NBEA: variants seen among roughly 807,000 people sequenced by gnomAD.
NBEA encodes the protein lysosomal-trafficking regulator 2.
NBEA carries 44 observed loss-of-function variants against 343.4 expected under a neutral mutation model. That is an observed-to-expected ratio of 0.13 (90% CI 0.10 to 0.16). NBEA has a LOEUF of 0.16. Among genes scored for constraint, NBEA ranks in the 10% least tolerant of loss-of-function variants. The pLI, the probability that NBEA is intolerant of heterozygous loss-of-function variation, is 1.00. For missense variants in NBEA, 2,555 were observed against 3,631.3 expected (o/e 0.70, Z 7.62); for synonymous variants, 1,175 against 1,238.7 (o/e 0.95, Z 1.08).
At chr13:35,298,594 T>C (rs1217975762) in intron 35 of NBEA, among the ~76,000 whole-genome samples, 2 of 151,978 alleles carry the variant, frequency 1.3e-5, no homozygotes, top group African/African-American at 4.8e-5. Context: ...TATGCTCTCT[T>C]TAAAAATATC....
intron 31 of NBEA, among the ~76,000 whole-genome samples, chr13:35,196,649 C>A (rs2072626014): frequency 6.6e-6 from 1 of 152,038 alleles, no homozygotes; most frequent in Non-Finnish European, 1.5e-5. Context: ...TGGGTCACAT[C>A]TGTCCAAGGT....
chr13:35,450,796 A>G (rs2152944533), intron 39 of NBEA, among the ~76,000 whole-genome samples: 1 of 152,326 alleles, frequency 6.6e-6, no homozygotes, highest in Non-Finnish European at 1.5e-5. Context: ...TACAGAACAC[A>G]GTATATGACA....
intron 1 of NBEA, among the ~76,000 whole-genome samples, chr13:35,030,197 G>A (rs1186805505): frequency 2.6e-5 from 4 of 151,388 alleles, no homozygotes; most frequent in Non-Finnish European, 5.9e-5. Context: ...GTTTTCTTAC[G>A]TGTTTTTAAA....
intron 1 of NBEA, among the ~76,000 whole-genome samples, chr13:34,945,882 A>G (rs905334082): frequency 2.6e-5 from 4 of 152,156 alleles, no homozygotes; most frequent in South Asian, 2.1e-4. Flanking sequence ...CATGCACTAA[A>G]GTGTAGGACT....
intron 39 of NBEA, among the ~76,000 whole-genome samples, chr13:35,440,147 T>TG (rs962633642): frequency 1.3e-5 from 2 of 152,236 alleles, no homozygotes; most frequent in African/African-American, 4.8e-5. Context: ...CCCAAAGTGC[T>TG]GGGGTTACAG....
At chr13:35,535,358 A>G (rs1422612968) in intron 41 of NBEA, among the ~76,000 whole-genome samples, 1 of 152,216 alleles carries the variant, frequency 6.6e-6, no homozygotes, top group African/African-American at 2.4e-5. Flanking sequence ...TGCAGAAGAC[A>G]GAACACGCAA....
chr13:35,109,404 T>G lies in NBEA; in HGVS notation c.1795T>G (p.Leu599Val). ...PLLKQLCDHI[L>V]FNPAIWIHTP... ...GCTGAAGCAGCTTTGTGATCACATT[T>G]TATTTAACCCAGCCATCTGGATACA... Residue 599 changes from leucine to valine, a missense_variant, in exon 12 of 59, where the codon TTA becomes GTA. Coordinates refer to ENST00000379939, the MANE Select transcript of NBEA (RefSeq NM_001385012.1). The G allele has an allele frequency of 6.2e-7, 1 of 1,611,832 alleles. No individual in the cohort carries two copies. Among genetic ancestry groups the G allele is most frequent in the South Asian group, 1.1e-5 (1 of 90,860 alleles).
chr13:35,403,861 C>G (rs1419637439), intron 38 of NBEA, among the ~76,000 whole-genome samples: 1 of 152,138 alleles, frequency 6.6e-6, no homozygotes, highest in Non-Finnish European at 1.5e-5. Flanking sequence ...ACTCATCTGA[C>G]AAAGGGCTAA....
chr13:35,148,473 C>T (rs2068574623), intron 18 of NBEA, among the ~76,000 whole-genome samples: 2 of 152,130 alleles, frequency 1.3e-5, no homozygotes, highest in Non-Finnish European at 2.9e-5. Context: ...TAACTCCCCT[C>T]TGTTGTTCTT....
intron 1 of NBEA, among the ~76,000 whole-genome samples, chr13:35,023,518 A>G (rs1050206730): frequency 3.3e-5 from 5 of 152,182 alleles, no homozygotes; most frequent in South Asian, 2.1e-4. Context: ...AGAGGAGGGT[A>G]GTATTAATTT....
At chr13:35,036,263 A>G (rs1294547572) in intron 1 of NBEA, among the ~76,000 whole-genome samples, 3 of 152,102 alleles carry the variant, frequency 2.0e-5, no homozygotes, top group Admixed American at 6.6e-5. Context: ...AAGCAAACAA[A>G]CAAGCAAAAA....
At position 35,155,828 on chromosome 13, in the gene NBEA, G is replaced by A; in HGVS notation, c.2500G>A (p.Asp834Asn). 1.2e-6 allele frequency: 2 copies of A among 1,612,508 alleles called. No individual in the cohort carries two copies. Among genetic ancestry groups the A allele is most frequent in the Non-Finnish European group, 1.7e-6 (2 of 1,178,646 alleles). Residue 834 changes from aspartate (D) to asparagine (N), a missense_variant, in exon 19 of 59, where the codon GAT (aspartate) becomes AAT (asparagine). By Grantham distance (23) the Asp-to-Asn change is conservative (BLOSUM62 1). Around this residue, in one of 21 missense-constraint regions of NBEA, gnomAD observed 360 missense variants for 519.1 expected, o/e 0.69. Coordinates refer to ENST00000379939, the MANE Select transcript of NBEA (RefSeq NM_001385012.1). The stretch of plus-strand genomic sequence containing the variant: ...CGTACACAAACCACATCCAGAGCCA[G>A]ATTCTACAGTGAAAATTCAGAATCC... ...QVVHKPHPEPDSTVKIQNPMI... is the reference protein window; with the variant it reads ...QVVHKPHPEPNSTVKIQNPMI...
chr13:35,205,575 A>G (rs932586813), intron 31 of NBEA, among the ~76,000 whole-genome samples: 1 of 152,104 alleles, frequency 6.6e-6, no homozygotes, highest in South Asian at 2.1e-4. Flanking sequence ...TCTCTTAGGG[A>G]CATGATTCTG....
In NBEA at chr13:35,671,746, TG is replaced by T. The variant is rs1419254972; in HGVS notation, c.*758del. ...GATACTAAGCCATTATTTGCCATTTTGGGTACTTTATACAAAGAAAATTCAG... is the reference window on the plus strand; with the variant it reads ...GATACTAAGCCATTATTTGCCATTTTGGTACTTTATACAAAGAAAATTCAG... On this transcript the variant is annotated 3_prime_UTR_variant, in exon 59 of 59. Transcript: ENST00000379939. 6.5e-6 allele frequency: 1 copy of T among 152,680 alleles called. No homozygotes were observed. The highest frequency in any genetic ancestry group is 1.5e-5 in the Non-Finnish European group (1 of 68,026). The allele number at this position is 152,680 out of a possible 1,614,324, so 9.5% of individuals were successfully genotyped here. A position where few individuals can be genotyped will look rare whatever the true frequency, so the allele number is the denominator to read the frequency against.
intron 54 of NBEA, 40 bp downstream of exon 54, chr13:35,655,050 A>C (rs1376954369): frequency 7.1e-7 from 1 of 1,402,966 alleles, no homozygotes; most frequent in Non-Finnish European, 9.3e-7. Context: ...CTTCAAAATG[A>C]CTATTGTTAA....
intron 40 of NBEA, among the ~76,000 whole-genome samples, chr13:35,459,248 G>T (rs1282832203): frequency 6.6e-6 from 1 of 151,898 alleles, no homozygotes; most frequent in Non-Finnish European, 1.5e-5. Flanking sequence ...CTTGTAAACT[G>T]GTTAGGTTGT....
intron 34 of NBEA, among the ~76,000 whole-genome samples, chr13:35,282,968 A>G (rs1234305966): frequency 2.0e-5 from 3 of 152,152 alleles, no homozygotes; most frequent in Non-Finnish European, 2.9e-5. Flanking sequence ...TAAAGCATAA[A>G]TTAAAAAACA....
intron 24 of NBEA, among the ~76,000 whole-genome samples, chr13:35,167,235 T>C (rs1466096951): frequency 6.6e-6 from 1 of 151,976 alleles, no homozygotes; most frequent in Non-Finnish European, 1.5e-5. Context: ...CAATAGACAA[T>C]ACATAAACAA....
At chr13:35,199,334 G>A (rs554246414) in intron 31 of NBEA, among the ~76,000 whole-genome samples, 1 of 152,226 alleles carries the variant, frequency 6.6e-6, no homozygotes, top group Non-Finnish European at 1.5e-5. Flanking sequence ...TTGAAAATGA[G>A]ATCCAGGATG....
Sources: allele counts gnomAD v4.1 joint callset (sites outside exome capture counted in the v4.1 genomes callset), GRCh38; gene constraint gnomAD v4.1.1; regional missense constraint gnomAD v4.1.1; transcripts MANE v1.5; gene names NCBI Gene and HGNC (gene_info 2026-07-23, HGNC 2026-07-21).